Variants in CREB5 observed in about 807,000 individuals in gnomAD.
CREB5 encodes cyclic AMP-responsive element-binding protein 5.
Under a neutral mutation model 57.1 loss-of-function variants are expected in CREB5, and 19 were observed. The observed-to-expected ratio is 0.33, with a 90% CI of 0.23 to 0.49. The LOEUF (loss-of-function observed/expected upper bound fraction) is 0.49, where lower values mean the gene tolerates loss of function less well. CREB5 is among the 20% of genes least tolerant of loss of function. CREB5 has a pLI of 0.99. For synonymous variants in CREB5, 238 were observed against 238.3 expected, an observed-to-expected ratio of 1.00 and a Z score of 0.01; for missense variants, 579 against 671.6, an observed-to-expected ratio of 0.86 and a Z score of 1.52.
chr7:28,813,542 T>C (rs1393607626), intron 9 of CREB5, among the ~76,000 whole-genome samples: 1 of 152,200 alleles, frequency 6.6e-6, no homozygotes, highest in Admixed American at 6.5e-5. Context: ...CCAAACCTGG[T>C]CTCAGCTAAT....
intron 5 of CREB5, among the ~76,000 whole-genome samples, chr7:28,626,048 A>G (rs1797986879): frequency 6.6e-6 from 1 of 152,194 alleles, no homozygotes; most frequent in African/African-American, 2.4e-5. Context: ...GCCTTTCTTC[A>G]TTGGAGTACA....
At chr7:28,534,612 G>T (rs1176424867) in intron 4 of CREB5, among the ~76,000 whole-genome samples, 1 of 152,142 alleles carries the variant, frequency 6.6e-6, no homozygotes, top group Non-Finnish European at 1.5e-5. Flanking sequence ...TCAAACAGGA[G>T]TCTCAGATAA....
At chr7:28,759,112 A>C (rs1468253009) in intron 7 of CREB5, among the ~76,000 whole-genome samples, 5 of 152,216 alleles carry the variant, frequency 3.3e-5, no homozygotes. Context: ...GTGTGTATAC[A>C]GGTACAGGCA....
intron 7 of CREB5, among the ~76,000 whole-genome samples, chr7:28,784,881 T>A (rs999696141): frequency 2.0e-5 from 3 of 152,184 alleles, no homozygotes; most frequent in Non-Finnish European, 2.9e-5. Context: ...CTTGATGCAC[T>A]GTTTGCTTTT....
At chr7:28,653,170 C>T (rs1053090694) in intron 5 of CREB5, among the ~76,000 whole-genome samples, 7 of 152,160 alleles carry the variant, frequency 4.6e-5, no homozygotes, top group Admixed American at 1.3e-4. Flanking sequence ...ATGTGAGACA[C>T]CAACTCTTAT....
chr7:28,718,379 G>T (rs1293677312), intron 5 of CREB5, among the ~76,000 whole-genome samples: 1 of 152,204 alleles, frequency 6.6e-6, no homozygotes, highest in African/African-American at 2.4e-5. Flanking sequence ...TAAAATAAAT[G>T]TACATAGATC....
intron 4 of CREB5, among the ~76,000 whole-genome samples, chr7:28,560,983 T>C (rs1392891580): frequency 4.2e-5 from 3 of 71,872 alleles, no homozygotes; most frequent in Admixed American, 1.4e-4. Flanking sequence ...CGTGTGTGCG[T>C]GCGTGTGTGT....
At chr7:28,347,258 G>A (rs1355990322) in intron 1 of CREB5, among the ~76,000 whole-genome samples, 3 of 152,184 alleles carry the variant, frequency 2.0e-5, no homozygotes, top group Non-Finnish European at 4.4e-5. Context: ...GAGATTTCCA[G>A]TGTGTTGTTC....
At chr7:28,687,944 ATGGG>A (rs1210455740) in intron 5 of CREB5, among the ~76,000 whole-genome samples, 4 of 152,188 alleles carry the variant, frequency 2.6e-5, no homozygotes, top group Non-Finnish European at 4.4e-5. Flanking sequence ...TCCTCCCCGC[ATGGG>A]GAACCAATCT....
In CREB5 at chr7:28,531,171, G is replaced by GT. The variant is rs553468562; in HGVS notation, c.291+23443dup. On this transcript the variant is annotated intron_variant, in intron 4 of 10. Coordinates refer to ENST00000357727, the MANE Select transcript of CREB5 (RefSeq NM_182898.4). Reference sequence around the variant, plus strand: ...TCTTATATAGTCTCTTGGTCTCTAGGTTTTTTTTTCTTTTCATCTCTTAAT... The same window carrying GT: ...TCTTATATAGTCTCTTGGTCTCTAGGTTTTTTTTTTCTTTTCATCTCTTAAT... Among the ~76,000 whole-genome samples the GT allele has an allele frequency of 8.9e-4, 135 of 151,440 alleles. 1 individual carries two copies. In the South Asian group the frequency reaches 0.01, roughly 11 times the overall value.
rs1415259533 is a variant in CREB5 at position 28,516,204 on chromosome 7, C to T, written c.291+8467C>T. ...ACTCGACTGAGTGACAGAGCGACACCTTGTATTTTTTTTAAAAAAAAAGTA... is the reference window on the plus strand; with the variant it reads ...ACTCGACTGAGTGACAGAGCGACACTTTGTATTTTTTTTAAAAAAAAAGTA... On this transcript the variant is annotated intron_variant, in intron 4 of 10. Coordinates refer to ENST00000357727, the MANE Select transcript of CREB5 (RefSeq NM_182898.4). Among the ~76,000 whole-genome samples the T allele has an allele frequency of 2.6e-5, 4 of 151,692 alleles. No homozygotes were observed. The East Asian group carries it at 7.7e-4, about 29-fold the overall frequency.
At chr7:28,346,110 C>T (rs1180644173) in intron 1 of CREB5, among the ~76,000 whole-genome samples, 2 of 152,206 alleles carry the variant, frequency 1.3e-5, no homozygotes, top group African/African-American at 4.8e-5. Flanking sequence ...TGGGAATGCT[C>T]TTGTGATCAA....
intron 4 of CREB5, among the ~76,000 whole-genome samples, chr7:28,548,929 T>A (rs1415502165): frequency 1.3e-5 from 2 of 152,140 alleles, no homozygotes; most frequent in African/African-American, 4.8e-5. Context: ...AATAATTAGG[T>A]CAAAACTACT....
intron 5 of CREB5, among the ~76,000 whole-genome samples, chr7:28,710,312 T>A (rs1802339665): frequency 6.6e-6 from 1 of 152,198 alleles, no homozygotes. Flanking sequence ...ATGTCCATTG[T>A]TAGAGTGATT....
intron 5 of CREB5, among the ~76,000 whole-genome samples, chr7:28,620,724 A>G (rs1272392540): frequency 6.6e-6 from 1 of 152,168 alleles, no homozygotes; most frequent in East Asian, 1.9e-4. Context: ...GCGGCCACGA[A>G]TTGACCTGAA....
At chr7:28,707,917 T>A (rs1305849671) in intron 5 of CREB5, among the ~76,000 whole-genome samples, 1 of 152,210 alleles carries the variant, frequency 6.6e-6, no homozygotes, top group East Asian at 1.9e-4. Context: ...AAAGAAGTCT[T>A]ATTTCCTTTA....
intron 1 of CREB5, among the ~76,000 whole-genome samples, chr7:28,389,179 C>T (rs1035546143): frequency 5.3e-5 from 8 of 152,176 alleles, no homozygotes; most frequent in Non-Finnish European, 1.2e-4. Flanking sequence ...AAAATCTGCA[C>T]ATTAGTTATG....
chr7:28,761,038 T>G (rs750238202), intron 7 of CREB5, among the ~76,000 whole-genome samples: 16 of 152,222 alleles, frequency 1.1e-4, no homozygotes, highest in Non-Finnish European at 4.4e-5. Context: ...TTTGCCTACA[T>G]GCGCTTCCTC....
intron 5 of CREB5, among the ~76,000 whole-genome samples, chr7:28,692,158 C>A (rs1419581427): frequency 4.0e-5 from 6 of 148,598 alleles, no homozygotes; most frequent in African/African-American, 1.5e-4. Flanking sequence ...TGCACTCCAG[C>A]CTGGATCACA....
Sources: gnomAD v4.1 joint callset for allele counts (sites outside exome capture counted in the v4.1 genomes callset) on GRCh38, gnomAD v4.1.1 for gene constraint, MANE v1.5 for transcripts, NCBI Gene and HGNC (gene_info 2026-07-23, HGNC 2026-07-21) for gene names.